Variants in APOA5 observed in about 807,000 individuals in gnomAD.
APOA5 encodes apolipoprotein A-V.
In APOA5, 26 loss-of-function variants were observed where a neutral mutation model predicts 31.8. The observed-to-expected ratio is 0.82, with a 90% CI of 0.60 to 1.13. APOA5 has a LOEUF of 1.13. APOA5 is among the 50% of genes most tolerant of loss of function. The probability of loss-of-function intolerance (pLI) is 0.00; values close to 1 mark genes in which losing one functional copy is unlikely to be tolerated. For synonymous variants in APOA5, 186 were observed against 198.5 expected (o/e 0.94, Z 0.53); for missense variants, 450 against 488.0 (o/e 0.92, Z 0.73).
rs1389793984 is a variant in APOA5, at chr11:116,789,818, AATC to A, written c.*307_*309del. On this transcript the variant is annotated 3_prime_UTR_variant, in exon 3 of 3. Transcript: ENST00000227665. ...CATCACGGCAAACAGGCTTGCAGAT[AATC>A]ACCCACATGCATGGTGCCTCTCCCT... 2.2e-6 allele frequency: 1 copy of A among 461,492 alleles called. No homozygotes were observed. Among genetic ancestry groups the A allele is most frequent in the African/African-American group, 2.0e-5 (1 of 50,602 alleles). The allele number at this position is 461,492 out of a possible 1,614,324, so 28.6% of individuals were successfully genotyped here. A position where few individuals can be genotyped will look rare whatever the true frequency, so the allele number is the denominator to read the frequency against.
intron 2 of APOA5, 173 bp downstream of exon 2, chr11:116,791,413 A>C (rs561261272): frequency 1.3e-6 from 1 of 775,248 alleles, no homozygotes; most frequent in African/African-American, 1.7e-5. Context: ...CGGGGGCTGC[A>C]GGCAGAGGGC....
chr11:116,792,191 C>T (rs967550003), upstream of APOA5, among the ~76,000 whole-genome samples: 1 of 152,172 alleles, frequency 6.6e-6, no homozygotes, highest in African/African-American at 2.4e-5. Flanking sequence ...ACCACCTCTC[C>T]CCTGCCCACC....
In APOA5 at chr11:116,789,970, G is replaced by A. The variant is rs2266788; in HGVS notation, c.*158C>T. The A allele has an allele frequency of 0.91, 669,313 of 737,974 alleles. 305,034 individuals carry two copies. The highest frequency in any genetic ancestry group is 0.98 in the African/African-American group (56,520 of 57,406). The allele number at this position is 737,974 out of a possible 1,614,324, so 45.7% of individuals were successfully genotyped here. On this transcript the variant is annotated 3_prime_UTR_variant, in exon 3 of 3. Coordinates refer to ENST00000227665, the MANE Select transcript of APOA5 (RefSeq NM_001371904.1). ...ATTGGGGAGTCGCAGGAGGCTGGAT[G>A]TGCAGGAGACAGCAGCCCCTTTGGT...
In APOA5 at chr11:116,789,542, ATGGGCTCTGCC is replaced by A; in HGVS notation, c.*575_*585del. On this transcript the variant is annotated 3_prime_UTR_variant, in exon 3 of 3. Coordinates refer to ENST00000227665, the MANE Select transcript of APOA5 (RefSeq NM_001371904.1). Reference sequence around the variant, plus strand: ...TAGGTGTAGAGCTATGTCAGGAAACATGGGCTCTGCCCTCTCCTATCACAGCCCACACCTTT... The same window carrying A: ...TAGGTGTAGAGCTATGTCAGGAAACACTCTCCTATCACAGCCCACACCTTT... 6.0e-6 allele frequency: 1 copy of A among 166,642 alleles called. No individual in the cohort carries two copies. Among genetic ancestry groups the A allele is most frequent in the Non-Finnish European group, 1.3e-5 (1 of 75,984 alleles). The allele number at this position is 166,642 out of a possible 1,614,324, so 10.3% of individuals were successfully genotyped here.
Position 116,789,553 on chromosome 11 carries a change from C to CGAAT in APOA5, c.*574_*575insATTC. ...CTATGTCAGGAAACATGGGCTCTGC[C>CGAAT]CTCTCCTATCACAGCCCACACCTTT... On this transcript the variant is annotated 3_prime_UTR_variant, in exon 3 of 3. Transcript: ENST00000227665. The CGAAT allele has an allele frequency of 5.9e-6, 1 of 169,772 alleles. No homozygotes were observed. The highest frequency in any genetic ancestry group is 1.3e-5 in the Non-Finnish European group (1 of 78,000). 10.5% of individuals were successfully genotyped at this position (169,772 alleles called of 1,614,324 possible).
At chr11:116,792,118 C>T (rs570540538), upstream of APOA5, among the ~76,000 whole-genome samples, 51 of 152,222 alleles carry the variant, frequency 3.4e-4, no homozygotes, top group African/African-American at 1.1e-3. Context: ...TAGCAGGGAG[C>T]GTGGTGCTCT....
intron 1 of APOA5, 47 bp downstream of exon 1, chr11:116,791,765 C>T: frequency 3.7e-6 from 6 of 1,614,000 alleles, no homozygotes; most frequent in Non-Finnish European, 4.2e-6. Flanking sequence ...GCCCTCTGGC[C>T]AGCCTCCACC....
In APOA5 at chr11:116,790,069, G is replaced by T. The variant is rs192708363; in HGVS notation, c.*59C>A. On this transcript the variant is annotated 3_prime_UTR_variant, in exon 3 of 3. Coordinates refer to ENST00000227665, the MANE Select transcript of APOA5 (RefSeq NM_001371904.1). ...CTTTCAAGGACTGAACCATGCTAGA[G>T]GCTCAGAGCCAAGGCTCCCCAGACA... is the stretch of plus-strand genomic sequence containing the variant. 5.0e-4 allele frequency: 780 copies of T among 1,565,326 alleles called. 6 individuals are homozygous for T. The African/African-American group carries it at 9.0e-3, about 18-fold the overall frequency.
At position 116,790,491 on chromosome 11, in the gene APOA5, G is replaced by C. The variant is rs759950783; in HGVS notation, c.738C>G (p.Ile246Met). 15 of 1,602,190 alleles carry C rather than the reference G, an allele frequency of 9.4e-6. No homozygotes were observed. Among genetic ancestry groups the C allele is most frequent in the Non-Finnish European group, 1.3e-5 (15 of 1,179,662 alleles). The change falls in exon 3 of 3, where the codon ATC (isoleucine) becomes ATG (methionine). Residue 246 changes from isoleucine (I) to methionine (M), a missense_variant. Ile to Met is a conservative substitution (Grantham distance 10). Coordinates refer to ENST00000227665, the MANE Select transcript of APOA5 (RefSeq NM_001371904.1). ...CGCGCAGCTGGTCCAGGTTCTGCTGGATGCGTGCGTGCAGGGCCTTGGCCT... is the reference window on the plus strand; with the variant it reads ...CGCGCAGCTGGTCCAGGTTCTGCTGCATGCGTGCGTGCAGGGCCTTGGCCT... ...TLKAKALHARIQQNLDQLREE... is the reference protein window; with the variant it reads ...TLKAKALHARMQQNLDQLREE...
chr11:116,791,998 G>A, upstream of APOA5: 2 of 936,942 alleles, frequency 2.1e-6, no homozygotes, highest in South Asian at 2.8e-5. Context: ...CCTTGGGCTG[G>A]GGAGCACAGA....
At chr11:116,792,280 A>T (rs931212371), upstream of APOA5, 21 of 309,028 alleles carry the variant, frequency 6.8e-5, no homozygotes, top group Non-Finnish European at 1.1e-4. Flanking sequence ...AAAATGTTCC[A>T]AGAGGACGTC....
rs769230421 is a variant in APOA5, at chr11:116,790,649, A to G, written c.580T>C (p.Tyr194His). 3.7e-6 allele frequency: 6 copies of G among 1,611,866 alleles called. No individual in the cohort carries two copies. Among genetic ancestry groups the G allele is most frequent in the Non-Finnish European group, 5.1e-6 (6 of 1,179,844 alleles). The part of the protein sequence containing the change: ...TGRFKELFHP[Y>H]AESLVSGIGR... ...ATGCCGCTCACCAGGCTCTCGGCGT[A>G]TGGGTGGAAGAGCTCTTTGAAGCGG... Residue 194 changes from tyrosine to histidine, a missense_variant, in exon 3 of 3, where the codon TAC becomes CAC. Tyr to His is a moderately conservative substitution (Grantham distance 83). Coordinates refer to ENST00000227665, the MANE Select transcript of APOA5 (RefSeq NM_001371904.1).
rs769276750 is a variant in APOA5, at chr11:116,790,409, G to C, written c.820C>G (p.Pro274Ala). The C allele has an allele frequency of 6.2e-7, 1 of 1,608,030 alleles. No individual in the cohort carries two copies. The highest frequency in any genetic ancestry group is 1.1e-5 in the South Asian group (1 of 91,088). ...TGTEEGAGPD[P>A]QMLSEEVRQR... Reference sequence around the variant, plus strand: ...CGCACCTCCTCGGAGAGCATCTGGGGGTCCGGGCCGGCCCCTTCCTCAGTC... The same window carrying C: ...CGCACCTCCTCGGAGAGCATCTGGGCGTCCGGGCCGGCCCCTTCCTCAGTC... Residue 274 changes from proline (P) to alanine (A), a missense_variant, in exon 3 of 3, where the codon CCC becomes GCC. Transcript: ENST00000227665.
At chr11:116,791,439 A>G in intron 2 of APOA5, 147 bp downstream of exon 2, 1 of 904,794 alleles carries the variant, frequency 1.1e-6, no homozygotes, top group Non-Finnish European at 1.8e-6. Flanking sequence ...AGAGCCCAGG[A>G]TGGCCGGGAT....
chr11:116,792,312 C>A, upstream of APOA5: 1 of 282,478 alleles, frequency 3.5e-6, no homozygotes. Context: ...CCCAGGCTCT[C>A]CCCTGAGGCC....
Position 116,790,857 on chromosome 11 carries a change from G to A in APOA5, c.372C>T (p.Gly124=). 1 of 1,613,700 alleles carries A rather than the reference G, an allele frequency of 6.2e-7. No homozygotes were observed. Among genetic ancestry groups the A allele is most frequent in the East Asian group, 2.2e-5 (1 of 44,850 alleles). ...TGTAGGGCTTCAGTTGCTGCCGCAA[G>A]CCCTCCAAATTCCAGCCCACCAGCT... ...AHELVGWNLE[G]LRQQLKPYTM... Residue 124 remains glycine (G), a synonymous_variant, in exon 3 of 3, where the codon GGC becomes GGT. Coordinates refer to ENST00000227665, the MANE Select transcript of APOA5 (RefSeq NM_001371904.1).
rs772514533 is a variant in APOA5 at position 116,790,565 on chromosome 11, C to T, written c.664G>A (p.Ala222Thr). 6.9e-6 allele frequency: 11 copies of T among 1,600,078 alleles called. No individual in the cohort carries two copies. The highest frequency in any genetic ancestry group is 6.7e-5 in the African/African-American group (5 of 74,816). The change falls in exon 3 of 3, where the codon GCG becomes ACG. Residue 222 changes from alanine (A) to threonine (T), a missense_variant. Transcript: ENST00000227665. Reference sequence around the variant, plus strand: ...ACCTGCACGCAGCGACTGAGGCGCGCGGGGCTGGCGGGGGCGTGCGGAGCC... The same window carrying T: ...ACCTGCACGCAGCGACTGAGGCGCGTGGGGCTGGCGGGGGCGTGCGGAGCC... Reference protein sequence around the residue: ...SVAPHAPASPARLSRCVQVLS... With the variant: ...SVAPHAPASPTRLSRCVQVLS...
chr11:116,789,779 G>T lies in APOA5; in HGVS notation c.*349C>A, dbSNP rs1940958648. ...TAGAGCCAAACTCCAGGATGTAGTG[G>T]CACAGGCTTCCAGCATCACGGCAAA... On this transcript the variant is annotated 3_prime_UTR_variant, in exon 3 of 3. Transcript: ENST00000227665. The T allele has an allele frequency of 5.1e-6, 2 of 389,348 alleles. No individual in the cohort carries two copies. The highest frequency in any genetic ancestry group is 4.6e-5 in the South Asian group (2 of 43,230). 24.1% of individuals were successfully genotyped at this position (389,348 alleles called of 1,614,324 possible). A position where few individuals can be genotyped will look rare whatever the true frequency, so the allele number is the denominator to read the frequency against.
rs536542142 is a variant in APOA5 at position 116,789,603 on chromosome 11, C to G, written c.*525G>C. 7.3e-5 allele frequency: 16 copies of G among 218,368 alleles called. No homozygotes were observed. Among genetic ancestry groups the G allele is most frequent in the Admixed American group, 1.6e-4 (3 of 19,204 alleles). 13.5% of individuals were successfully genotyped at this position (218,368 alleles called of 1,614,324 possible). On this transcript the variant is annotated 3_prime_UTR_variant, in exon 3 of 3. Coordinates refer to ENST00000227665, the MANE Select transcript of APOA5 (RefSeq NM_001371904.1). ...TCGTACCCACCAGCATCAGAGCCAG[C>G]AGGGATATTCACACACCATCACATG...
Sources: allele counts gnomAD v4.1 joint callset (sites outside exome capture counted in the v4.1 genomes callset), GRCh38; gene constraint gnomAD v4.1.1; transcripts MANE v1.5; gene names NCBI Gene and HGNC (gene_info 2026-07-23, HGNC 2026-07-21).